Variants in CLMN observed in about 807,000 individuals in gnomAD.
CLMN encodes the protein calmin (calponin-like, transmembrane).
CLMN carries 57 observed loss-of-function variants against 92.7 expected under a neutral mutation model. That is an observed-to-expected ratio of 0.61 (90% CI 0.50 to 0.77). CLMN has a LOEUF of 0.77. CLMN is among the 30% of genes least tolerant of loss of function. CLMN has a pLI of 0.00. For missense variants in CLMN, 1,158 were observed against 1,237.5 expected, an observed-to-expected ratio of 0.94 and a Z score of 0.96; for synonymous variants, 466 against 470.6, an observed-to-expected ratio of 0.99 and a Z score of 0.13.
intron 8 of CLMN, among the ~76,000 whole-genome samples, chr14:95,205,938 A>G (rs1360925473): frequency 6.6e-6 from 1 of 152,232 alleles, no homozygotes. Context: ...ATGGAAAACA[A>G]TAACCAAGAT....
At chr14:95,242,734 AT>A (rs1219325009) in intron 1 of CLMN, among the ~76,000 whole-genome samples, 18 of 151,616 alleles carry the variant, frequency 1.2e-4, no homozygotes. Context: ...TGTCCGGCTC[AT>A]TTTTTGTATT....
At chr14:95,238,339 T>A (rs1898126282) in intron 1 of CLMN, among the ~76,000 whole-genome samples, 2 of 152,250 alleles carry the variant, frequency 1.3e-5, no homozygotes, top group African/African-American at 4.8e-5. Context: ...GGGGCCAGGC[T>A]TCAGGAATAC....
rs181216107 is a variant in CLMN at position 95,218,610 on chromosome 14, C to A, written c.325-2877G>T. On this transcript the variant is annotated intron_variant, in intron 4 of 12. Transcript: ENST00000298912. ...TGGGACAAGAAGTGACCAGCGAGGGCCCACTGAGTATTTTGTGGATTCTGG... is the reference window on the plus strand; with the variant it reads ...TGGGACAAGAAGTGACCAGCGAGGGACCACTGAGTATTTTGTGGATTCTGG... Among the ~76,000 whole-genome samples, 4 of 152,282 alleles carry A rather than the reference C, an allele frequency of 2.6e-5. No homozygotes were observed. In the South Asian group the frequency reaches 8.3e-4, roughly 32 times the overall value.
rs751186038 is a variant in CLMN at position 95,203,726 on chromosome 14, C to T, written c.1623G>A (p.Lys541=). Residue 541 remains lysine (K), a synonymous_variant, in exon 9 of 13, where the codon AAG becomes AAA. Coordinates refer to ENST00000298912, the MANE Select transcript of CLMN (RefSeq NM_024734.4). Reference sequence around the variant, plus strand: ...AAGCTTCTACAGTCATCAGGTTAACCTTGATCTGGAAGGAATCGGCCATCA... The same window carrying T: ...AAGCTTCTACAGTCATCAGGTTAACTTTGATCTGGAAGGAATCGGCCATCA... ...NTVMADSFQI[K]VNLMTVEALE... is the part of the protein sequence containing the mutation. 6.2e-7 allele frequency: 1 copy of T among 1,614,134 alleles called. No individual in the cohort carries two copies. Among genetic ancestry groups the T allele is most frequent in the South Asian group, 1.1e-5 (1 of 91,082 alleles).
intron 1 of CLMN, among the ~76,000 whole-genome samples, chr14:95,267,627 CT>C (rs1407404328): frequency 2.0e-5 from 3 of 152,252 alleles, no homozygotes; most frequent in African/African-American, 7.2e-5. Flanking sequence ...CGTCAAAAAA[CT>C]AAAAATAGAA....
intron 8 of CLMN, 106 bp downstream of exon 8, chr14:95,209,289 G>T: frequency 1.0e-6 from 1 of 972,892 alleles, no homozygotes; most frequent in Non-Finnish European, 1.6e-6. Flanking sequence ...TGGCGATTTT[G>T]ACTGCTAGTT....
chr14:95,213,387 A>C lies in CLMN; in HGVS notation c.440T>G (p.Leu147Arg). The change falls in exon 6 of 13, where the codon CTC becomes CGC. Residue 147 changes from leucine (L) to arginine (R), a missense_variant. By Grantham distance (102) the Leu-to-Arg change is moderately radical. Transcript: ENST00000298912. The part of the protein sequence containing the change: ...FFQIKELTGN[L>R]SRNSPSSSLS... ...GCTGGAAGATGGAGAGTTTCTGCTG[A>C]GGTTGCCTGTGAGCTCCTTAATCTG... 1 of 1,609,624 alleles carries C rather than the reference A, an allele frequency of 6.2e-7. No individual in the cohort carries two copies.
intron 1 of CLMN, among the ~76,000 whole-genome samples, chr14:95,317,119 G>A (rs996451652): frequency 6.6e-6 from 1 of 152,156 alleles, no homozygotes; most frequent in African/African-American, 2.4e-5. Flanking sequence ...CGATCATCCA[G>A]GCACATCCCG....
intron 5 of CLMN, among the ~76,000 whole-genome samples, chr14:95,214,056 T>G (rs911439153): frequency 6.6e-6 from 1 of 151,854 alleles, no homozygotes; most frequent in Non-Finnish European, 1.5e-5. Flanking sequence ...CACTCCCCCA[T>G]CTGAGCTAGC....
intron 1 of CLMN, among the ~76,000 whole-genome samples, chr14:95,234,431 T>A (rs1195484233): frequency 6.6e-6 from 1 of 152,232 alleles, no homozygotes; most frequent in East Asian, 1.9e-4. Flanking sequence ...CCATAAACTT[T>A]ATACAGTTTC....
Position 95,221,703 on chromosome 14 carries a change from C to T in CLMN, c.312G>A (p.Leu104=). 1 of 1,613,882 alleles carries T rather than the reference C, an allele frequency of 6.2e-7. No individual in the cohort carries two copies. Among genetic ancestry groups the T allele is most frequent in the South Asian group, 1.1e-5 (1 of 90,986 alleles). ...LNNIAKALKF[L]EDSNVKLVSI... The stretch of plus-strand genomic sequence containing the variant: ...TTCAAACACTTACATTGCTATCTTC[C>T]AAAAACTTAAGTGCTTTCGCTATGT... Residue 104 remains leucine (L), a synonymous_variant, in exon 4 of 13, where the codon TTG becomes TTA. Transcript: ENST00000298912.
Position 95,182,362 on chromosome 14 carries a change from A to C in CLMN, c.*9202T>G, listed in dbSNP as rs1896348027. On this transcript the variant is annotated 3_prime_UTR_variant, in exon 13 of 13. Transcript: ENST00000298912. The stretch of plus-strand genomic sequence containing the variant: ...CAGACTCCCCCAAAATAAAACAATG[A>C]TCACCACCCACTACAATATGGTCTG... 6.6e-6 allele frequency: 1 copy of C among 152,272 alleles called. No individual in the cohort carries two copies. 9.4% of individuals were successfully genotyped at this position (152,272 alleles called of 1,614,324 possible). A position where few individuals can be genotyped will look rare whatever the true frequency, so the allele number is the denominator to read the frequency against.
chr14:95,312,875 T>C (rs1457669882), intron 1 of CLMN, among the ~76,000 whole-genome samples: 1 of 152,112 alleles, frequency 6.6e-6, no homozygotes, highest in African/African-American at 2.4e-5. Context: ...AAAACATCAC[T>C]GACAGACATA....
intron 7 of CLMN, 38 bp from the exon 8 acceptor site, chr14:95,209,515 AC>A: frequency 6.7e-7 from 1 of 1,487,540 alleles, no homozygotes; most frequent in South Asian, 1.1e-5. Flanking sequence ...GGAGATACAA[AC>A]ACACACGCTT....
At chr14:95,258,751 G>A (rs1899123612) in intron 1 of CLMN, among the ~76,000 whole-genome samples, 1 of 147,802 alleles carries the variant, frequency 6.8e-6, no homozygotes, top group Non-Finnish European at 1.5e-5. Flanking sequence ...GTGTGTGTGT[G>A]GTATGTGTAT....
At chr14:95,202,174 T>C (rs1267441505) in intron 9 of CLMN, among the ~76,000 whole-genome samples, 1 of 152,220 alleles carries the variant, frequency 6.6e-6, no homozygotes, top group Non-Finnish European at 1.5e-5. Context: ...TCTTCCACAA[T>C]GGTTGGACTA....
intron 8 of CLMN, 80 bp downstream of exon 8, chr14:95,209,315 G>T: frequency 1.5e-6 from 2 of 1,309,654 alleles, no homozygotes; most frequent in Non-Finnish European, 2.2e-6. Flanking sequence ...GAGCAACGCT[G>T]CCCACGTCCC....
intron 3 of CLMN, among the ~76,000 whole-genome samples, chr14:95,223,454 G>A (rs764545596): frequency 4.6e-5 from 7 of 151,974 alleles, no homozygotes; most frequent in Non-Finnish European, 1.0e-4. Context: ...ACTTCTCAGC[G>A]ATGATTCTAG....
At chr14:95,242,019 C>T (rs1898259858) in intron 1 of CLMN, among the ~76,000 whole-genome samples, 1 of 152,150 alleles carries the variant, frequency 6.6e-6, no homozygotes, top group Middle Eastern at 3.4e-3. Context: ...ACATTGAGGT[C>T]GAAGTTGGAT....
Sources: allele counts gnomAD v4.1 joint callset (sites outside exome capture counted in the v4.1 genomes callset), GRCh38; gene constraint gnomAD v4.1.1; transcripts MANE v1.5; gene names NCBI Gene and HGNC (gene_info 2026-07-23, HGNC 2026-07-21).